DNER: variants seen among roughly 807,000 people sequenced by gnomAD.
DNER encodes the protein delta and Notch-like epidermal growth factor-related receptor.
In DNER, 33 loss-of-function variants were observed where a neutral mutation model predicts 78.2. The ratio of observed to expected loss-of-function variants is 0.42; its 90% CI spans 0.32 to 0.56. DNER has a LOEUF of 0.56. Ranked by LOEUF, DNER falls within the 20% of genes least tolerant of loss-of-function variation. The probability of loss-of-function intolerance (pLI) is 0.11; values close to 1 mark genes in which losing one functional copy is unlikely to be tolerated. For synonymous variants in DNER, 417 were observed against 384.8 expected, an observed-to-expected ratio of 1.08 and a Z score of -0.98; for missense variants, 918 against 975.3, an observed-to-expected ratio of 0.94 and a Z score of 0.78.
chr2:229,395,653 C>T (rs1013830603), intron 10 of DNER, among the ~76,000 whole-genome samples: 1 of 152,160 alleles, frequency 6.6e-6, no homozygotes. Flanking sequence ...AATCCCAGCA[C>T]TTTGGGAGGC....
intron 1 of DNER, among the ~76,000 whole-genome samples, chr2:229,610,951 A>G (rs1698035109): frequency 6.6e-6 from 1 of 152,254 alleles, no homozygotes; most frequent in Non-Finnish European, 1.5e-5. Flanking sequence ...TCTGTCAGAT[A>G]TTTCACAAAC....
In DNER at chr2:229,591,626, G is replaced by A. The variant is rs375154664; in HGVS notation, c.539C>T (p.Pro180Leu). 9 of 1,614,026 alleles carry A rather than the reference G, an allele frequency of 5.6e-6. No individual in the cohort carries two copies. The highest frequency in any genetic ancestry group is 7.6e-6 in the Non-Finnish European group (9 of 1,180,008). ...TTCTACAACTTTCTGCCCTGTTTTC[G>A]GCTGCCAGGTAGGCAGTGTCACCGT... ...QATVTLPTWQ[P>L]KTGQKVVEMK... is the part of the protein sequence containing the mutation. Residue 180 changes from proline to leucine, a missense_variant, in exon 2 of 13, where the codon CCG becomes CTG. Transcript: ENST00000341772. This position sits in a 1 kb window ranked among gnomAD's most constrained non-coding sequence, Gnocchi z 4.6.
chr2:229,443,459 G>C (rs1432345881), intron 8 of DNER, among the ~76,000 whole-genome samples: 3 of 152,146 alleles, frequency 2.0e-5, no homozygotes, highest in African/African-American at 7.2e-5. Context: ...TTAAGAGAAC[G>C]GGTAGCCTAT....
intron 1 of DNER, among the ~76,000 whole-genome samples, chr2:229,674,504 C>T (rs1459364523): frequency 6.6e-5 from 10 of 152,212 alleles, no homozygotes. Flanking sequence ...GCCTCGAACT[C>T]CTGACCTCAA....
chr2:229,565,604 CT>C (rs915587026), intron 4 of DNER, among the ~76,000 whole-genome samples: 9 of 152,024 alleles, frequency 5.9e-5, no homozygotes, highest in African/African-American at 2.2e-4. Context: ...ATTATAAAAT[CT>C]TTTTTTGAAG....
At chr2:229,707,082 C>T (rs1699840151) in intron 1 of DNER, among the ~76,000 whole-genome samples, 2 of 151,668 alleles carry the variant, frequency 1.3e-5, no homozygotes, top group East Asian at 1.9e-4. Flanking sequence ...GATGCGATCT[C>T]GGCTCACTGC....
intron 11 of DNER, among the ~76,000 whole-genome samples, chr2:229,384,315 T>A (rs1692812798): frequency 6.6e-6 from 1 of 152,082 alleles, no homozygotes; most frequent in African/African-American, 2.4e-5. Flanking sequence ...GTGGGAAAGA[T>A]CTAAAATCGA....
intron 8 of DNER, among the ~76,000 whole-genome samples, chr2:229,444,534 A>G (rs1187665103): frequency 6.6e-6 from 1 of 152,238 alleles, no homozygotes; most frequent in African/African-American, 2.4e-5. Context: ...TGGTATTATT[A>G]AAAAACACTA....
chr2:229,656,440 G>T (rs1356426869), intron 1 of DNER, among the ~76,000 whole-genome samples: 1 of 152,158 alleles, frequency 6.6e-6, no homozygotes, highest in Non-Finnish European at 1.5e-5. Context: ...AAAGTGCAAG[G>T]TGAGGGGCAG....
intron 4 of DNER, among the ~76,000 whole-genome samples, chr2:229,553,382 C>G (rs536239263): frequency 2.6e-4 from 40 of 152,240 alleles, no homozygotes; most frequent in Non-Finnish European, 1.0e-4. Context: ...ATTCCTGACT[C>G]TTTTTCAAAG....
chr2:229,404,288 A>G (rs985739272), intron 10 of DNER, among the ~76,000 whole-genome samples: 47 of 152,224 alleles, frequency 3.1e-4, no homozygotes, highest in African/African-American at 1.1e-3. Context: ...ACTGACTCAC[A>G]GTTCTACATG....
intron 1 of DNER, among the ~76,000 whole-genome samples, chr2:229,668,525 T>A: frequency 2.2e-4 from 1 of 4,510 alleles, no homozygotes; most frequent in Non-Finnish European, 2.1e-3. Context: ...TATGTGTGTG[T>A]GTGTGTGTGT....
intron 5 of DNER, among the ~76,000 whole-genome samples, chr2:229,514,329 A>AT (rs1695928664): frequency 6.6e-6 from 1 of 152,220 alleles, no homozygotes; most frequent in East Asian, 1.9e-4. Flanking sequence ...TAATAAGTCC[A>AT]TAACAATTGC....
intron 1 of DNER, among the ~76,000 whole-genome samples, chr2:229,598,630 T>C (rs74426531): frequency 0.042 from 6,431 of 152,300 alleles, 187 homozygotes; most frequent in East Asian, 0.12. Flanking sequence ...AACGAAATTA[T>C]GAGCAGGTGT....
chr2:229,691,619 C>A (rs974846071), intron 1 of DNER, among the ~76,000 whole-genome samples: 3 of 152,012 alleles, frequency 2.0e-5, no homozygotes, highest in Non-Finnish European at 1.5e-5. Flanking sequence ...GGAACCAAAT[C>A]TTCTCATTAA....
At chr2:229,544,993 C>T (rs540616210) in intron 5 of DNER, among the ~76,000 whole-genome samples, 24 of 152,294 alleles carry the variant, frequency 1.6e-4, no homozygotes, top group South Asian at 4.1e-4. Context: ...AATGTGCTGA[C>T]GTTCTCACAA....
intron 1 of DNER, among the ~76,000 whole-genome samples, chr2:229,693,799 C>A (rs114164929): frequency 0.016 from 2,379 of 152,232 alleles, 41 homozygotes; most frequent in Non-Finnish European, 0.024. Flanking sequence ...AAATTTGCAG[C>A]CTGATGATGC....
At chr2:229,617,042 C>T (rs1698178457) in intron 1 of DNER, among the ~76,000 whole-genome samples, 1 of 152,226 alleles carries the variant, frequency 6.6e-6, no homozygotes, top group Non-Finnish European at 1.5e-5. Flanking sequence ...GGATTTCAAC[C>T]TTGCATTGAT....
At chr2:229,694,237 G>A (rs1699628443) in intron 1 of DNER, among the ~76,000 whole-genome samples, 1 of 152,248 alleles carries the variant, frequency 6.6e-6, no homozygotes, top group African/African-American at 2.4e-5. Flanking sequence ...GGAAACGCCT[G>A]GATGTCCAGG....
Sources: gnomAD v4.1 joint callset for allele counts (sites outside exome capture counted in the v4.1 genomes callset) on GRCh38, gnomAD v4.1.1 for gene constraint, Gnocchi (gnomAD v3.1) non-coding constraint, MANE v1.5 for transcripts, NCBI Gene and HGNC (gene_info 2026-07-23, HGNC 2026-07-21) for gene names.